Variants in SHOX observed in about 807,000 individuals in gnomAD.
SHOX encodes the protein short stature homeobox protein.
Under a neutral mutation model 29.6 loss-of-function variants are expected in SHOX, and 12 were observed. That is an observed-to-expected ratio of 0.41 (90% confidence interval 0.26 to 0.66). The LOEUF (loss-of-function observed/expected upper bound fraction) is 0.66, where lower values mean the gene tolerates loss of function less well. SHOX is among the 30% of genes least tolerant of loss of function. SHOX has a pLI of 0.35. For missense variants in SHOX, 499 were observed against 437.7 expected (o/e 1.14, Z -1.25); for synonymous variants, 214 against 200.6 (o/e 1.07, Z -0.57).
intron 1 of SHOX, among the ~76,000 whole-genome samples, chrX:632,320 G>A (rs747148691): frequency 1.3e-5 from 2 of 152,114 alleles, no homozygotes; most frequent in South Asian, 4.2e-4. Context: ...AAGAGGCTCA[G>A]AGAGAGGGGC....
At chrX:637,424 C>T (rs958458969) in intron 2 of SHOX, among the ~76,000 whole-genome samples, 2 of 151,538 alleles carry the variant, frequency 1.3e-5, no homozygotes, top group African/African-American at 4.9e-5. Flanking sequence ...AGTCTATTAC[C>T]GACGAGAGCA....
chrX:624,549 G>T (rs771808079), exon 1 of SHOX: 2 of 152,110 alleles, frequency 1.3e-5, no homozygotes, highest in Non-Finnish European at 2.9e-5. Context: ...CGCTGGGGAC[G>T]CCAGGACGCG....
intron 4 of SHOX, 189 bp from the exon 5 acceptor site, chrX:644,202 C>T (rs1394926698): frequency 2.7e-6 from 1 of 365,012 alleles, no homozygotes; most frequent in Admixed American, 6.5e-5. Flanking sequence ...GCGGATGCAT[C>T]CAGTGGCAGC....
rs1359021718 is a variant in SHOX at position 649,315 on chromosome X, G to A, written c.*4679G>A. On this transcript the variant is annotated 3_prime_UTR_variant, in exon 5 of 5. Coordinates refer to ENST00000686671, the MANE Select transcript of SHOX (RefSeq NM_000451.4). ...CAGCCTCCCAGAGTGCTGGGATTAC[G>A]GGGTGAGGCACCGCGCCCGGCCTCC... Among the ~76,000 whole-genome samples the A allele has an allele frequency of 5.9e-5, 9 of 152,098 alleles. No individual in the cohort carries two copies. The highest frequency in any genetic ancestry group is 4.4e-5 in the Non-Finnish European group (3 of 68,038).
intron 5 of SHOX, among the ~76,000 whole-genome samples, chrX:658,084 C>G (rs1231169104): frequency 1.3e-5 from 2 of 152,032 alleles, no homozygotes; most frequent in African/African-American, 4.8e-5. Context: ...AAGCGATTCT[C>G]CTGCCTCAGC....
At chrX:632,613 C>T (rs1338646735) in intron 1 of SHOX, among the ~76,000 whole-genome samples, 1 of 152,152 alleles carries the variant, frequency 6.6e-6, no homozygotes, top group Non-Finnish European at 1.5e-5. Context: ...CCCTTGTATT[C>T]GTAGGAGGCA....
upstream of SHOX, among the ~76,000 whole-genome samples, chrX:629,193 A>G (rs1398484912): frequency 0.011 from 359 of 32,880 alleles, 1 homozygote; most frequent in African/African-American, 0.043. Context: ...CTCTCTCTCT[A>G]TCTCTCCCTC....
At chrX:630,759 C>G (rs1480784681), upstream of SHOX, 8 of 1,104,544 alleles carry the variant, frequency 7.2e-6, no homozygotes, top group Admixed American at 1.5e-4. Flanking sequence ...GAGGTCGCCG[C>G]GTATAAATAG....
chrX:650,991 A>G lies in SHOX; in HGVS notation c.*6355A>G, dbSNP rs2053051393. Among the ~76,000 whole-genome samples the G allele has an allele frequency of 6.6e-6, 1 of 152,008 alleles. No homozygotes were observed. The highest frequency in any genetic ancestry group is 1.5e-5 in the Non-Finnish European group (1 of 68,008). On this transcript the variant is annotated 3_prime_UTR_variant, in exon 5 of 5. Coordinates refer to ENST00000686671, the MANE Select transcript of SHOX (RefSeq NM_000451.4). ...CCGTTTCAAAGCTATGAAATGTGCT[A>G]TTTATTGAAAGGGGATGTGGCTTCA...
chrX:627,844 G>A (rs929689922), upstream of SHOX, among the ~76,000 whole-genome samples: 1 of 152,162 alleles, frequency 6.6e-6, no homozygotes, highest in Non-Finnish European at 1.5e-5. Context: ...CTTGGGGTTG[G>A]AGAAGACAGC....
At chrX:624,862 T>C (rs867033680) in intron 1 of SHOX, among the ~76,000 whole-genome samples, 11 of 76,810 alleles carry the variant, frequency 1.4e-4, no homozygotes, top group South Asian at 1.3e-3. Flanking sequence ...TCTTTCTTTC[T>C]TTTCTTTCTT....
In SHOX at chrX:644,642, C is replaced by A. The variant is rs767569050; in HGVS notation, c.*6C>A. On this transcript the variant is annotated 3_prime_UTR_variant, in exon 5 of 5. Transcript: ENST00000686671. ...CGGAGGCCCTGGGGCTCTGACCCGC[C>A]GCGCAGCCCCCCGCGCGCCCGGACT... 1.4e-6 allele frequency: 2 copies of A among 1,457,776 alleles called. No homozygotes were observed. The highest frequency in any genetic ancestry group is 5.3e-5 in the Admixed American group (2 of 37,718). The allele number at this position is 1,457,776 out of a possible 1,614,324, so 90.3% of individuals were successfully genotyped here.
Position 651,047 on chromosome X carries a change from G to A in SHOX, c.*6411G>A, listed in dbSNP as rs1354707331. On this transcript the variant is annotated 3_prime_UTR_variant, in exon 5 of 5. Coordinates refer to ENST00000686671, the MANE Select transcript of SHOX (RefSeq NM_000451.4). Reference sequence around the variant, plus strand: ...TCAGCCCATTGTACGTGCAGGTCCCGTGGGAAGGAGGCAAAAGCCCCTGCT... The same window carrying A: ...TCAGCCCATTGTACGTGCAGGTCCCATGGGAAGGAGGCAAAAGCCCCTGCT... 3.9e-5 allele frequency among the ~76,000 whole-genome samples: 6 copies of A among 152,072 alleles called. No individual in the cohort carries two copies. The highest frequency in any genetic ancestry group is 4.1e-4 in the South Asian group (2 of 4,828).
intron 5 of SHOX, among the ~76,000 whole-genome samples, chrX:658,401 C>G (rs1021763347): frequency 2.2e-4 from 34 of 151,582 alleles, no homozygotes; most frequent in African/African-American, 7.5e-4. Flanking sequence ...GTCGACCTAT[C>G]ATTGATGGTT....
At chrX:635,637 G>C (rs1282215816) in intron 2 of SHOX, among the ~76,000 whole-genome samples, 5 of 152,184 alleles carry the variant, frequency 3.3e-5, no homozygotes, top group African/African-American at 7.2e-5. Flanking sequence ...ACCAGGCACT[G>C]GGGGGCGGAG....
In SHOX at chrX:651,020, G is replaced by C. The variant is rs1490675228; in HGVS notation, c.*6384G>C. ...ATTGAAAGGGGATGTGGCTTCACGA[G>C]TTCAGCCCATTGTACGTGCAGGTCC... On this transcript the variant is annotated 3_prime_UTR_variant, in exon 5 of 5. Coordinates refer to ENST00000686671, the MANE Select transcript of SHOX (RefSeq NM_000451.4). Among the ~76,000 whole-genome samples the C allele has an allele frequency of 6.6e-6, 1 of 152,018 alleles. No homozygotes were observed. Among genetic ancestry groups the C allele is most frequent in the Non-Finnish European group, 1.5e-5 (1 of 67,998 alleles).
intron 1 of SHOX, among the ~76,000 whole-genome samples, chrX:633,071 A>G (rs1459419850): frequency 1.3e-5 from 2 of 151,860 alleles, no homozygotes; most frequent in East Asian, 3.9e-4. Flanking sequence ...TCCCCGTTAC[A>G]TTTTCCCCTT....
chrX:653,290 G>A (rs776272775), downstream of SHOX, among the ~76,000 whole-genome samples: 2 of 152,090 alleles, frequency 1.3e-5, no homozygotes, highest in Admixed American at 6.6e-5. Flanking sequence ...AAAATAAAAC[G>A]TTCAGCTTTG....
Position 644,463 on chromosome X carries a change from G to T in SHOX, c.706G>T (p.Ala236Ser). The change falls in exon 5 of 5, where the codon GCG becomes TCG. Residue 236 changes from alanine to serine, a missense_variant. Coordinates refer to ENST00000686671, the MANE Select transcript of SHOX (RefSeq NM_000451.4). ...CCTGCACCCGCACCTGGCGGCGCAC[G>T]CGCCCTACCTGATGTTCCCCCCGCC... The part of the protein sequence containing the change: ...PHLHPHLAAH[A>S]PYLMFPPPPF... 6.6e-7 allele frequency: 1 copy of T among 1,523,046 alleles called. No homozygotes were observed. Among genetic ancestry groups the T allele is most frequent in the Admixed American group, 2.0e-5 (1 of 50,426 alleles). The allele number at this position is 1,523,046 out of a possible 1,614,324, so 94.3% of individuals were successfully genotyped here. A position where few individuals can be genotyped will look rare whatever the true frequency, so the allele number is the denominator to read the frequency against.
Sources: gnomAD v4.1 joint callset for allele counts (sites outside exome capture counted in the v4.1 genomes callset) on GRCh38, gnomAD v4.1.1 for gene constraint, MANE v1.5 for transcripts, NCBI Gene and HGNC (gene_info 2026-07-23, HGNC 2026-07-21) for gene names.